Variants in PDXDC1 observed in about 807,000 individuals in gnomAD.
The protein encoded by PDXDC1 is pyridoxal-dependent decarboxylase domain-containing protein 1.
A neutral mutation model predicts 100.1 loss-of-function variants in PDXDC1; 42 were observed. That is an observed-to-expected ratio of 0.42 (90% confidence interval 0.33 to 0.54). PDXDC1 has a LOEUF of 0.54. Ranked by LOEUF, PDXDC1 falls within the 20% of genes least tolerant of loss-of-function variation. PDXDC1 has a pLI of 0.10. For missense variants in PDXDC1, 636 were observed against 979.2 expected, an observed-to-expected ratio of 0.65 and a Z score of 4.68; for synonymous variants, 260 against 371.7, an observed-to-expected ratio of 0.70 and a Z score of 3.46.
chr16:15,150,438 G>A, the PDXDC1 span, among the ~76,000 whole-genome samples: 1 of 151,492 alleles, frequency 6.6e-6, no homozygotes, highest in East Asian at 1.9e-4. Context: ...GCCGAGGCAA[G>A]CAGATCACCT....
At chr16:14,996,711 G>A (rs117658946) in intron 1 of PDXDC1, among the ~76,000 whole-genome samples, 12,088 of 150,416 alleles carry the variant, frequency 0.08, 289 homozygotes, top group Admixed American at 0.17. Flanking sequence ...TTGAAAATTA[G>A]CCAGGCATGG....
chr16:15,007,795 C>G (rs1212889809), intron 6 of PDXDC1, among the ~76,000 whole-genome samples: 1 of 152,274 alleles, frequency 6.6e-6, no homozygotes, highest in African/African-American at 2.4e-5. Flanking sequence ...CAGGCTCTTG[C>G]AGACACAAGG....
At chr16:15,095,724 C>A (rs2151837242) in intron 16 of PDXDC1, among the ~76,000 whole-genome samples, 1 of 152,120 alleles carries the variant, frequency 6.6e-6, no homozygotes, top group South Asian at 2.1e-4. Flanking sequence ...GGTGGCAGTG[C>A]CTGTAATCCC....
intron 13 of PDXDC1, among the ~76,000 whole-genome samples, chr16:15,023,695 T>C (rs1030522756): frequency 6.6e-6 from 1 of 152,258 alleles, no homozygotes; most frequent in African/African-American, 2.4e-5. Flanking sequence ...GAAGGGGGTG[T>C]GGCTACTCTG....
chr16:14,978,274 CAG>C (rs1464710509), intron 1 of PDXDC1, among the ~76,000 whole-genome samples: 37 of 152,406 alleles, frequency 2.4e-4, no homozygotes, highest in African/African-American at 8.9e-4. Flanking sequence ...GGCCCTGTAG[CAG>C]AGTCTCACAG....
intron 16 of PDXDC1, chr16:15,127,425 C>T (rs1204942418): frequency 1.3e-6 from 2 of 1,488,544 alleles, no homozygotes; most frequent in African/African-American, 1.4e-5. Flanking sequence ...GTGCCGAGGC[C>T]CAGGCTCCAT....
intron 19 of PDXDC1, 135 bp from the exon 20 acceptor site, chr16:15,034,151 C>A: frequency 1.4e-6 from 1 of 693,234 alleles, no homozygotes. Context: ...AGTTTCTGTT[C>A]GTTTTACGCC....
intron 8 of PDXDC1, among the ~76,000 whole-genome samples, chr16:15,012,899 C>T (rs1424446345): frequency 1.3e-5 from 2 of 152,078 alleles, no homozygotes; most frequent in Admixed American, 6.6e-5. Context: ...AGGCCAGGCA[C>T]AGTGACTCAA....
chr16:15,088,344 G>A (rs1161903911), intron 16 of PDXDC1, among the ~76,000 whole-genome samples: 5 of 152,010 alleles, frequency 3.3e-5, no homozygotes, highest in Admixed American at 6.6e-5. Flanking sequence ...GCACATGCTT[G>A]TGGTCCCAGA....
chr16:14,993,886 A>G (rs1434021506), intron 1 of PDXDC1, among the ~76,000 whole-genome samples: 4 of 152,278 alleles, frequency 2.6e-5, no homozygotes, highest in African/African-American at 9.6e-5. Flanking sequence ...CATTTCTCTG[A>G]TGGCCAGTGG....
At chr16:14,998,519 G>C in intron 3 of PDXDC1, 114 bp downstream of exon 3, 1 of 1,141,006 alleles carries the variant, frequency 8.8e-7, no homozygotes, top group Non-Finnish European at 1.3e-6. Context: ...ATCTGGGCTC[G>C]CTGCAACCTC....
intron 11 of PDXDC1, 82 bp downstream of exon 11, chr16:15,017,504 G>T: frequency 1.1e-6 from 1 of 909,650 alleles, no homozygotes; most frequent in Non-Finnish European, 1.7e-6. Context: ...GAAAAATACA[G>T]GAAAAAGTGA....
In PDXDC1 at chr16:15,070,275, A is replaced by G; in HGVS notation, c.1399+40219A>G. On this transcript the variant is annotated intron_variant, in intron 16 of 16. Transcript: ENST00000535621. The stretch of plus-strand genomic sequence containing the variant: ...CAGTACTAGAGAAAAGAAAAATTCA[A>G]GTCAACTTTACACATCATAAAAAAA... The G allele has an allele frequency of 1.9e-6, 3 of 1,611,450 alleles. No individual in the cohort carries two copies. The South Asian group carries it at 3.3e-5, about 18-fold the overall frequency.
chr16:15,065,425 G>A (rs1008640723), intron 16 of PDXDC1: 10 of 1,531,496 alleles, frequency 6.5e-6, no homozygotes, highest in Middle Eastern at 3.5e-4. Flanking sequence ...GGAGTGACTC[G>A]GTGCAGATGT....
At chr16:14,996,975 T>C (rs1291428873) in intron 1 of PDXDC1, among the ~76,000 whole-genome samples, 1 of 152,258 alleles carries the variant, frequency 6.6e-6, no homozygotes, top group African/African-American at 2.4e-5. Flanking sequence ...CCAGTTGCCT[T>C]GGAGTGTAGG....
chr16:15,066,731 A>T (rs1171929684), intron 16 of PDXDC1, among the ~76,000 whole-genome samples: 3 of 151,604 alleles, frequency 2.0e-5, no homozygotes, highest in Non-Finnish European at 4.4e-5. Context: ...TTAAAATCAA[A>T]ATAAAGCTTT....
At chr16:15,133,895 GA>G in intron 16 of PDXDC1, 1 of 1,485,200 alleles carries the variant, frequency 6.7e-7, no homozygotes. Context: ...GGGACAGGGG[GA>G]TGGAGGCGCA....
intron 16 of PDXDC1, chr16:15,061,603 C>A: frequency 3.0e-6 from 2 of 661,190 alleles, no homozygotes; most frequent in South Asian, 2.7e-5. Flanking sequence ...TTGATTCAGT[C>A]GAACCTGGAA....
At chr16:15,111,946 C>A (rs1183599323) in intron 16 of PDXDC1, among the ~76,000 whole-genome samples, 2 of 147,852 alleles carry the variant, frequency 1.4e-5, no homozygotes, top group Admixed American at 6.8e-5. Context: ...CATTTCACCC[C>A]CTGCTCCTTC....
Sources: allele counts gnomAD v4.1 joint callset (sites outside exome capture counted in the v4.1 genomes callset), GRCh38; gene constraint gnomAD v4.1.1; transcripts MANE v1.5; gene names NCBI Gene and HGNC (gene_info 2026-07-23, HGNC 2026-07-21).